The following RANBP2 variants were observed in gnomAD, a reference collection of about 807,000 sequenced individuals.
The protein encoded by RANBP2 is E3 SUMO-protein ligase RanBP2.
RANBP2 carries 57 observed loss-of-function variants against 303.6 expected under a neutral mutation model. The ratio of observed to expected loss-of-function variants is 0.19; its 90% CI spans 0.15 to 0.23. The LOEUF (loss-of-function observed/expected upper bound fraction) is 0.23. Ranked by LOEUF, RANBP2 falls within the 10% of genes least tolerant of loss-of-function variation. The probability of loss-of-function intolerance (pLI) is 1.00; values close to 1 mark genes in which losing one functional copy is unlikely to be tolerated. For synonymous variants in RANBP2, 1,167 were observed against 1,301.5 expected (o/e 0.90, Z 2.23); for missense variants, 3,138 against 3,780.8 (o/e 0.83, Z 4.46).
At chr2:109,234,828 G>T in the RANBP2 span, among the ~76,000 whole-genome samples, 1 of 152,174 alleles carries the variant, frequency 6.6e-6, no homozygotes, top group Non-Finnish European at 1.5e-5. Context: ...ATGTTCCTGA[G>T]AAAAAGAGAG....
At chr2:109,613,873 C>G in the RANBP2 span, 3 of 1,230,738 alleles carry the variant, frequency 2.4e-6, no homozygotes, top group Non-Finnish European at 2.0e-6. Context: ...AGCCCGGCCC[C>G]GAGCGGCTGG....
rs1345757475 is a variant in RANBP2, at chr2:108,736,247, A to G, written c.780A>G (p.Gln260=). ...RDVQESRELL[Q]SFDSALQSVK... ...TGCAGGAAAGTAGAGAATTACTGCAAAGGTACGTTGACTTTGAGAAGAATG... is the reference window on the plus strand; with the variant it reads ...TGCAGGAAAGTAGAGAATTACTGCAGAGGTACGTTGACTTTGAGAAGAATG... Residue 260 remains glutamine (Q), a splice_region_variant and synonymous_variant, in exon 6 of 29, where the codon CAA becomes CAG. Transcript: ENST00000283195. The G allele has an allele frequency of 6.8e-6, 11 of 1,611,872 alleles. No homozygotes were observed. In the East Asian group the frequency reaches 2.5e-4, roughly 36 times the overall value.
chr2:109,116,464 C>G, the RANBP2 span, among the ~76,000 whole-genome samples: 1 of 152,196 alleles, frequency 6.6e-6, no homozygotes, highest in Non-Finnish European at 1.5e-5. Context: ...GTTCTAGAGC[C>G]TTGGCTTTCA....
the RANBP2 span, among the ~76,000 whole-genome samples, chr2:109,486,570 CGCTCCTATA>C: frequency 1.3e-5 from 2 of 152,182 alleles, no homozygotes; most frequent in Non-Finnish European, 2.9e-5. Context: ...CCTTTAAAAG[CGCTCCTATA>C]GCTGTCATCT....
At chr2:108,854,229 T>C in the RANBP2 span, among the ~76,000 whole-genome samples, 1 of 150,344 alleles carries the variant, frequency 6.7e-6, no homozygotes, top group Admixed American at 6.7e-5. Flanking sequence ...GCTTATACTT[T>C]AGGTCTAGAG....
the RANBP2 span, among the ~76,000 whole-genome samples, chr2:109,623,059 A>G: frequency 3.9e-5 from 6 of 152,200 alleles, no homozygotes; most frequent in Non-Finnish European, 8.8e-5. Context: ...CCCAGGAGGC[A>G]GAGCTTGCAC....
the RANBP2 span, among the ~76,000 whole-genome samples, chr2:109,245,524 A>G: frequency 6.6e-6 from 1 of 152,240 alleles, no homozygotes; most frequent in Non-Finnish European, 1.5e-5. Flanking sequence ...TAAAAAGTAA[A>G]TTAAGTTTTT....
chr2:108,840,893 C>T, the RANBP2 span, among the ~76,000 whole-genome samples: 1 of 151,998 alleles, frequency 6.6e-6, no homozygotes, highest in African/African-American at 2.4e-5. Flanking sequence ...CTCATTGCAA[C>T]CTCCACCTCC....
At chr2:109,497,874 A>C in the RANBP2 span, among the ~76,000 whole-genome samples, 1 of 152,256 alleles carries the variant, frequency 6.6e-6, no homozygotes, top group Non-Finnish European at 1.5e-5. Context: ...TTGCATTCAA[A>C]GTCTGAGAAA....
the RANBP2 span, among the ~76,000 whole-genome samples, chr2:109,428,550 A>C: frequency 6.6e-6 from 1 of 152,174 alleles, no homozygotes; most frequent in Non-Finnish European, 1.5e-5. Context: ...TGCCGCGGCC[A>C]CTTCTGCCTG....
chr2:109,541,012 A>G, the RANBP2 span, among the ~76,000 whole-genome samples: 1 of 152,214 alleles, frequency 6.6e-6, no homozygotes, highest in African/African-American at 2.4e-5. Context: ...AATCTACCAT[A>G]TTACTACATG....
the RANBP2 span, among the ~76,000 whole-genome samples, chr2:109,034,146 T>C: frequency 3.3e-5 from 5 of 151,454 alleles, no homozygotes; most frequent in East Asian, 2.0e-4. Flanking sequence ...GGCAGGCACC[T>C]ATAGTCCCAG....
At chr2:109,211,445 G>T in the RANBP2 span, among the ~76,000 whole-genome samples, 1 of 152,224 alleles carries the variant, frequency 6.6e-6, no homozygotes, top group Non-Finnish European at 1.5e-5. Flanking sequence ...GGAGCGGAAG[G>T]AGTAGGGGCC....
chr2:109,658,417 G>A, the RANBP2 span, among the ~76,000 whole-genome samples: 3 of 151,698 alleles, frequency 2.0e-5, no homozygotes. Context: ...CGGCACTCCA[G>A]CCTGGGTGAT....
chr2:109,040,505 T>C, the RANBP2 span, among the ~76,000 whole-genome samples: 1 of 152,214 alleles, frequency 6.6e-6, no homozygotes, highest in Non-Finnish European at 1.5e-5. Flanking sequence ...AGAAAATCTA[T>C]TGGAATTTTT....
At chr2:109,614,661 G>A in the RANBP2 span, 1 of 1,480,210 alleles carries the variant, frequency 6.8e-7, no homozygotes, top group African/African-American at 1.5e-5. Flanking sequence ...GCACTTCAAG[G>A]AGCTGGTGAA....
At chr2:108,779,520 GA>G (rs1678098733) in intron 25 of RANBP2, among the ~76,000 whole-genome samples, 1 of 152,046 alleles carries the variant, frequency 6.6e-6, no homozygotes, top group African/African-American at 2.4e-5. Flanking sequence ...GTCTGAAAGA[GA>G]GTTGATTTTT....
At chr2:108,987,743 A>G in the RANBP2 span, among the ~76,000 whole-genome samples, 1 of 152,094 alleles carries the variant, frequency 6.6e-6, no homozygotes, top group Non-Finnish European at 1.5e-5. Context: ...GGATCGCCAA[A>G]CTTTCCCAGC....
chr2:109,258,797 G>A, the RANBP2 span, among the ~76,000 whole-genome samples: 1 of 152,206 alleles, frequency 6.6e-6, no homozygotes, highest in African/African-American at 2.4e-5. Flanking sequence ...ATAGGGGTAG[G>A]GTCTTGCCAG....
Sources: gnomAD v4.1 joint callset for allele counts (sites outside exome capture counted in the v4.1 genomes callset) on GRCh38, gnomAD v4.1.1 for gene constraint, MANE v1.5 for transcripts, NCBI Gene and HGNC (gene_info 2026-07-23, HGNC 2026-07-21) for gene names.